The following SLC39A10 variants were observed in gnomAD, a reference collection of about 807,000 sequenced individuals.
SLC39A10 encodes the protein solute carrier family 39 member 10.
SLC39A10 carries 13 observed loss-of-function variants against 65.1 expected under a neutral mutation model. That is an observed-to-expected ratio of 0.20 (90% confidence interval 0.13 to 0.32). The LOEUF (loss-of-function observed/expected upper bound fraction) is 0.32, where lower values mean the gene tolerates loss of function less well. Ranked by LOEUF, SLC39A10 falls within the 10% of genes least tolerant of loss-of-function variation. The probability of loss-of-function intolerance (pLI) is 1.00; values close to 1 mark genes in which losing one functional copy is unlikely to be tolerated. For missense variants in SLC39A10, 831 were observed against 1,018.4 expected (o/e 0.82, Z 2.50); for synonymous variants, 321 against 342.2 (o/e 0.94, Z 0.68).
At chr2:195,646,846 GC>G (rs1688929958) in intron 2 of SLC39A10, among the ~76,000 whole-genome samples, 1 of 152,164 alleles carries the variant, frequency 6.6e-6, no homozygotes, top group Non-Finnish European at 1.5e-5. Flanking sequence ...AGAATCTAAT[GC>G]CTGATCATCT....
chr2:195,657,873 C>T (rs1689220409), intron 1 of SLC39A10, among the ~76,000 whole-genome samples: 1 of 152,120 alleles, frequency 6.6e-6, no homozygotes, highest in South Asian at 2.1e-4. Context: ...GGCTAACGGA[C>T]GGCGGCGCCT....
chr2:195,733,719 G>A lies in SLC39A10; in HGVS notation c.2338-1164G>A, dbSNP rs1009345851. Among the ~76,000 whole-genome samples, 9 of 151,954 alleles carry A rather than the reference G, an allele frequency of 5.9e-5. No homozygotes were observed. The South Asian group carries it at 1.2e-3, about 21-fold the overall frequency. The stretch of plus-strand genomic sequence containing the variant: ...CTGATTTTGTATTTTTAATAGAGAC[G>A]GAGTTACTCTATGTTGTTCAGGCTG... On this transcript the variant is annotated intron_variant, in intron 9 of 9. Transcript: ENST00000359634.
intron 2 of SLC39A10, among the ~76,000 whole-genome samples, chr2:195,618,291 C>T (rs1295132871): frequency 2.0e-5 from 3 of 149,124 alleles, no homozygotes; most frequent in Non-Finnish European, 4.4e-5. Context: ...GGAGAGGTTG[C>T]AGTGAGCTGA....
intron 2 of SLC39A10, among the ~76,000 whole-genome samples, chr2:195,622,972 CAAAAAAA>C (rs11440347): frequency 0.24 from 22,960 of 96,932 alleles, 1,952 homozygotes; most frequent in South Asian, 0.38. Context: ...ACTCCTGTCT[CAAAAAAA>C]AAAAAAAAAA....
intron 2 of SLC39A10, among the ~76,000 whole-genome samples, chr2:195,631,723 G>T (rs1451319574): frequency 3.3e-5 from 5 of 152,024 alleles, no homozygotes; most frequent in African/African-American, 1.2e-4. Context: ...TATTTATGAT[G>T]TAGGGTGAAA....
Position 195,735,064 on chromosome 2 carries a change from A to C in SLC39A10, c.*23A>C. Reference sequence around the variant, plus strand: ...TGACCTTTCCCAGTAATCACTGTTGATTACGAGAATGTTACCATGCAGCTT... The same window carrying C: ...TGACCTTTCCCAGTAATCACTGTTGCTTACGAGAATGTTACCATGCAGCTT... On this transcript the variant is annotated 3_prime_UTR_variant, in exon 10 of 10. Transcript: ENST00000359634. 6.2e-7 allele frequency: 1 copy of C among 1,600,602 alleles called. No individual in the cohort carries two copies. Among genetic ancestry groups the C allele is most frequent in the Non-Finnish European group, 8.5e-7 (1 of 1,174,070 alleles).
intron 1 of SLC39A10, among the ~76,000 whole-genome samples, chr2:195,673,111 T>C (rs990418126): frequency 6.6e-6 from 1 of 152,236 alleles, no homozygotes; most frequent in Non-Finnish European, 1.5e-5. Flanking sequence ...GCTTAACCTA[T>C]ATATGCCATA....
chr2:195,664,229 T>C (rs1372357669), intron 1 of SLC39A10, among the ~76,000 whole-genome samples: 1 of 152,152 alleles, frequency 6.6e-6, no homozygotes, highest in Non-Finnish European at 1.5e-5. Flanking sequence ...CACAAGTACT[T>C]AAGGTTTTTT....
chr2:195,701,595 GTGTT>G (rs1333215595), intron 3 of SLC39A10, among the ~76,000 whole-genome samples: 3 of 148,846 alleles, frequency 2.0e-5, no homozygotes, highest in Non-Finnish European at 4.5e-5. Context: ...TTGTTAAATT[GTGTT>G]TGTTTGTTAT....
At chr2:195,695,982 C>T (rs1452553064) in intron 3 of SLC39A10, among the ~76,000 whole-genome samples, 1 of 152,084 alleles carries the variant, frequency 6.6e-6, no homozygotes, top group East Asian at 1.9e-4. Flanking sequence ...AAATAAGAGT[C>T]CAACTGCTTT....
intron 8 of SLC39A10, among the ~76,000 whole-genome samples, chr2:195,721,605 C>G (rs114776618): frequency 0.018 from 2,765 of 152,202 alleles, 80 homozygotes; most frequent in African/African-American, 0.063. Flanking sequence ...GTCTTATGCT[C>G]TTCTCTAACT....
intron 2 of SLC39A10, among the ~76,000 whole-genome samples, chr2:195,619,166 C>CTTCTAAT (rs1256983589): frequency 1.3e-5 from 2 of 149,948 alleles, no homozygotes; most frequent in Non-Finnish European, 3.0e-5. Context: ...AAACCAAAGG[C>CTTCTAAT]TTCTAATACG....
intron 3 of SLC39A10, among the ~76,000 whole-genome samples, chr2:195,700,100 G>A (rs1236508663): frequency 6.6e-6 from 1 of 152,086 alleles, no homozygotes; most frequent in Non-Finnish European, 1.5e-5. Context: ...GTTTCAGCCT[G>A]TTTGTGTCTT....
Position 195,737,416 on chromosome 2 carries a change from T to G in SLC39A10, c.*2375T>G, listed in dbSNP as rs560203182. 2.5e-5 allele frequency: 4 copies of G among 157,316 alleles called. No homozygotes were observed. The highest frequency in any genetic ancestry group is 7.2e-5 in the African/African-American group (3 of 41,414). The allele number at this position is 157,316 out of a possible 1,614,324, so 9.7% of individuals were successfully genotyped here. A position where few individuals can be genotyped will look rare whatever the true frequency, so the allele number is the denominator to read the frequency against. ...CATTCAATCAATCAGCTGTGATTGA[T>G]TGATTATGCTTAGAAATACTATAGT... On this transcript the variant is annotated 3_prime_UTR_variant, in exon 10 of 10. Transcript: ENST00000359634.
intron 6 of SLC39A10, among the ~76,000 whole-genome samples, chr2:195,714,702 A>G (rs1394805217): frequency 1.3e-5 from 2 of 152,370 alleles, no homozygotes; most frequent in Admixed American, 6.5e-5. Flanking sequence ...TTAATACTTT[A>G]CATTATTAAT....
chr2:195,730,151 C>T (rs1315866673), intron 9 of SLC39A10, among the ~76,000 whole-genome samples: 1 of 151,744 alleles, frequency 6.6e-6, no homozygotes, highest in African/African-American at 2.4e-5. Context: ...CAAACCTAAG[C>T]AGGTTTTCCC....
intron 1 of SLC39A10, among the ~76,000 whole-genome samples, chr2:195,677,925 C>A (rs900178453): frequency 6.6e-6 from 1 of 151,822 alleles, no homozygotes; most frequent in African/African-American, 2.4e-5. Context: ...AATTTTTGTA[C>A]TTTTAGTAAA....
At chr2:195,615,492 T>A (rs1443555251) in intron 2 of SLC39A10, among the ~76,000 whole-genome samples, 1 of 152,122 alleles carries the variant, frequency 6.6e-6, no homozygotes, top group Non-Finnish European at 1.5e-5. Flanking sequence ...AATATACAGG[T>A]GTTTAGTTTC....
At chr2:195,676,801 C>G (rs1195287982) in intron 1 of SLC39A10, among the ~76,000 whole-genome samples, 2 of 152,146 alleles carry the variant, frequency 1.3e-5, no homozygotes, top group Admixed American at 1.3e-4. Context: ...TGAAGTCTCA[C>G]CAAAACTAAA....
Sources: allele counts gnomAD v4.1 joint callset (sites outside exome capture counted in the v4.1 genomes callset), GRCh38; gene constraint gnomAD v4.1.1; transcripts MANE v1.5; gene names NCBI Gene and HGNC (gene_info 2026-07-23, HGNC 2026-07-21).